Variants in NAALADL2 observed in about 807,000 individuals in gnomAD.
NAALADL2 encodes inactive N-acetylated-alpha-linked acidic dipeptidase-like protein 2.
In NAALADL2, 76 loss-of-function variants were observed where a neutral mutation model predicts 87.2. The observed-to-expected ratio is 0.87, with a 90% CI of 0.72 to 1.05. The LOEUF (loss-of-function observed/expected upper bound fraction) is 1.05, where lower values mean the gene tolerates loss of function less well. NAALADL2 is among the 50% of genes least tolerant of loss of function. NAALADL2 has a pLI of 0.00. For missense variants in NAALADL2, 1,089 were observed against 945.8 expected, an observed-to-expected ratio of 1.15 and a Z score of -1.99; for synonymous variants, 354 against 331.0, an observed-to-expected ratio of 1.07 and a Z score of -0.75.
In NAALADL2 at chr3:175,803,614, A is replaced by C. The variant is rs886376551; in HGVS notation, c.*411A>C. The stretch of plus-strand genomic sequence containing the variant: ...TTTCTGTAAAAGAAATGGAGAGTTG[A>C]TATGGTTCAGATTAACTTCACTATT... On this transcript the variant is annotated 3_prime_UTR_variant, in exon 14 of 14. Transcript: ENST00000454872. The C allele has an allele frequency of 1.3e-5, 2 of 154,710 alleles. No homozygotes were observed. Among genetic ancestry groups the C allele is most frequent in the Non-Finnish European group, 2.9e-5 (2 of 69,468 alleles). 9.6% of individuals were successfully genotyped at this position (154,710 alleles called of 1,614,324 possible).
intron 10 of NAALADL2, among the ~76,000 whole-genome samples, chr3:175,625,560 G>T (rs1726868632): frequency 6.6e-6 from 1 of 151,922 alleles, no homozygotes; most frequent in African/African-American, 2.4e-5. Flanking sequence ...ATAGATGAAG[G>T]CTTGCAGGAA....
chr3:175,074,127 A>C (rs1409886365), intron 1 of NAALADL2, among the ~76,000 whole-genome samples: 1 of 152,086 alleles, frequency 6.6e-6, no homozygotes, highest in East Asian at 1.9e-4. Flanking sequence ...GGTTCTCAAT[A>C]GCTGTTAAAT....
chr3:174,558,373 T>C (rs1467320253), intron 2 of NAALADL2, among the ~76,000 whole-genome samples: 1 of 152,120 alleles, frequency 6.6e-6, no homozygotes, highest in Non-Finnish European at 1.5e-5. Context: ...TTAGGATGAT[T>C]CAAGTGCATT....
At chr3:174,661,359 C>A (rs771814234) in intron 2 of NAALADL2, among the ~76,000 whole-genome samples, 20 of 152,040 alleles carry the variant, frequency 1.3e-4, no homozygotes, top group Non-Finnish European at 2.6e-4. Flanking sequence ...GAAGAATATG[C>A]AATTTATTAA....
intron 3 of NAALADL2, among the ~76,000 whole-genome samples, chr3:174,852,150 A>G (rs1454487464): frequency 6.6e-6 from 1 of 152,106 alleles, no homozygotes; most frequent in African/African-American, 2.4e-5. Flanking sequence ...CTTTTTTTCT[A>G]AGATCCAGAA....
intron 1 of NAALADL2, among the ~76,000 whole-genome samples, chr3:174,968,523 A>G (rs1273199060): frequency 1.3e-5 from 2 of 152,020 alleles, no homozygotes; most frequent in East Asian, 3.9e-4. Context: ...TCTATCACCC[A>G]GGCTGCAGTG....
intron 5 of NAALADL2, among the ~76,000 whole-genome samples, chr3:175,368,508 C>G (rs1428911600): frequency 6.6e-6 from 1 of 151,706 alleles, no homozygotes; most frequent in Non-Finnish European, 1.5e-5. Flanking sequence ...ATTTTACAAA[C>G]GAATCTCTAA....
chr3:174,901,608 G>GT (rs1413404159), intron 1 of NAALADL2, among the ~76,000 whole-genome samples: 12 of 151,894 alleles, frequency 7.9e-5, no homozygotes, highest in South Asian at 6.2e-4. Flanking sequence ...GATAAGCTGA[G>GT]TTTTTTTTCA....
At chr3:174,621,060 T>C (rs1720946117) in intron 2 of NAALADL2, among the ~76,000 whole-genome samples, 1 of 151,932 alleles carries the variant, frequency 6.6e-6, no homozygotes, top group Admixed American at 6.6e-5. Flanking sequence ...TTATAACATC[T>C]CAGCAGATGG....
chr3:175,682,173 C>A (rs374516607), intron 11 of NAALADL2, among the ~76,000 whole-genome samples: 2 of 151,852 alleles, frequency 1.3e-5, no homozygotes, highest in East Asian at 1.9e-4. Context: ...TTTCAACCTG[C>A]AAACCCAAAT....
intron 9 of NAALADL2, among the ~76,000 whole-genome samples, chr3:175,518,399 G>A (rs1005034271): frequency 6.6e-5 from 10 of 152,116 alleles, no homozygotes; most frequent in Admixed American, 3.3e-4. Flanking sequence ...AATTCTTTAC[G>A]TCTTCTTTAC....
chr3:175,504,780 T>A (rs1730068421), intron 9 of NAALADL2, among the ~76,000 whole-genome samples: 1 of 152,106 alleles, frequency 6.6e-6, no homozygotes, highest in Non-Finnish European at 1.5e-5. Context: ...AAACTCAAAA[T>A]CTCTAAATGA....
intron 3 of NAALADL2, among the ~76,000 whole-genome samples, chr3:175,253,119 G>C (rs1021299348): frequency 2.0e-5 from 3 of 152,144 alleles, no homozygotes. Flanking sequence ...AACAGCCTTA[G>C]GTTGGAAGAA....
chr3:175,184,111 T>C (rs1319224312), intron 2 of NAALADL2, among the ~76,000 whole-genome samples: 1 of 152,140 alleles, frequency 6.6e-6, no homozygotes, highest in African/African-American at 2.4e-5. Flanking sequence ...TGTCTCTCCA[T>C]GTTCTTAGGA....
intron 4 of NAALADL2, among the ~76,000 whole-genome samples, chr3:175,321,719 A>G (rs1282207148): frequency 3.0e-5 from 4 of 132,628 alleles, no homozygotes; most frequent in Non-Finnish European, 4.7e-5. Context: ...CCAAATCATG[A>G]GTGAACTCCC....
intron 10 of NAALADL2, among the ~76,000 whole-genome samples, chr3:175,608,180 T>C (rs1331813354): frequency 6.7e-6 from 1 of 149,702 alleles, no homozygotes; most frequent in East Asian, 2.1e-4. Flanking sequence ...ATGACATCTG[T>C]GGGACATGGC....
intron 5 of NAALADL2, among the ~76,000 whole-genome samples, chr3:175,445,105 AT>A (rs1407234834): frequency 6.6e-6 from 1 of 152,204 alleles, no homozygotes; most frequent in Admixed American, 6.5e-5. Flanking sequence ...ATAGCACTGC[AT>A]TTGAAAACAT....
At chr3:175,421,420 A>T (rs951590041) in intron 5 of NAALADL2, among the ~76,000 whole-genome samples, 17 of 152,044 alleles carry the variant, frequency 1.1e-4, no homozygotes, top group African/African-American at 4.1e-4. Flanking sequence ...ATATGTCCTC[A>T]AGGTCACTGT....
At chr3:174,499,678 A>G (rs1161113581) in intron 1 of NAALADL2, among the ~76,000 whole-genome samples, 3 of 152,098 alleles carry the variant, frequency 2.0e-5, no homozygotes, top group Non-Finnish European at 2.9e-5. Flanking sequence ...TGAAAAGACT[A>G]TACATTTTCC....
Sources: allele counts gnomAD v4.1 joint callset (sites outside exome capture counted in the v4.1 genomes callset), GRCh38; gene constraint gnomAD v4.1.1; transcripts MANE v1.5; gene names NCBI Gene and HGNC (gene_info 2026-07-23, HGNC 2026-07-21).